PCGF2: variants seen among roughly 807,000 people sequenced by gnomAD.
PCGF2 encodes polycomb group RING finger protein 2.
Under a neutral mutation model 36.1 loss-of-function variants are expected in PCGF2, and 8 were observed. That is an observed-to-expected ratio of 0.22 (90% CI 0.13 to 0.40). The LOEUF (loss-of-function observed/expected upper bound fraction) is 0.40, where lower values mean the gene tolerates loss of function less well. Among genes scored for constraint, PCGF2 ranks in the 10% least tolerant of loss-of-function variants. The probability of loss-of-function intolerance (pLI) is 1.00; values close to 1 mark genes in which losing one functional copy is unlikely to be tolerated. For synonymous variants in PCGF2, 198 were observed against 191.2 expected (o/e 1.04, Z -0.29); for missense variants, 436 against 475.9 (o/e 0.92, Z 0.78).
At chr17:38,737,206 T>G (rs1195872161) in intron 9 of PCGF2, among the ~76,000 whole-genome samples, 2 of 152,168 alleles carry the variant, frequency 1.3e-5, no homozygotes, top group Non-Finnish European at 2.9e-5. Flanking sequence ...CTCACACCTG[T>G]AATCCCAGAG....
intron 2 of PCGF2, among the ~76,000 whole-genome samples, chr17:38,742,512 C>T (rs1228621573): frequency 6.6e-6 from 1 of 152,186 alleles, no homozygotes; most frequent in East Asian, 1.9e-4. Flanking sequence ...GACAGAGGGG[C>T]ACAAGCCAGT....
intron 3 of PCGF2, among the ~76,000 whole-genome samples, chr17:38,740,016 G>C (rs896835865): frequency 6.6e-6 from 1 of 152,226 alleles, no homozygotes; most frequent in Non-Finnish European, 1.5e-5. Context: ...GTGCAAACAA[G>C]GGGTGTCCGC....
chr17:38,744,696 C>A (rs1252023074), intron 2 of PCGF2, among the ~76,000 whole-genome samples: 1 of 152,156 alleles, frequency 6.6e-6, no homozygotes, highest in African/African-American at 2.4e-5. Flanking sequence ...GGAAGCCACC[C>A]TGCAATTTAG....
At chr17:38,741,724 C>G (rs551402239) in intron 2 of PCGF2, among the ~76,000 whole-genome samples, 1 of 152,328 alleles carries the variant, frequency 6.6e-6, no homozygotes, top group African/African-American at 2.4e-5. Flanking sequence ...AGGCAGGGAA[C>G]AGAGAGGGTC....
rs1249262504 is a variant in PCGF2 at position 38,748,294 on chromosome 17, C to A, written c.-232G>T. The stretch of plus-strand genomic sequence containing the variant: ...GCAGCCGTGTCGCTCGCCCGGGCGG[C>A]GGGAGGGGAGAAACCTACGGTAAGA... On this transcript the variant is annotated 5_prime_UTR_variant, in exon 1 of 11. Transcript: ENST00000620225. 8.0e-6 allele frequency: 1 copy of A among 125,588 alleles called. No individual in the cohort carries two copies. Among genetic ancestry groups the A allele is most frequent in the Non-Finnish European group, 1.6e-5 (1 of 60,746 alleles). The allele number at this position is 125,588 out of a possible 1,614,324, so 7.8% of individuals were successfully genotyped here. A position where few individuals can be genotyped will look rare whatever the true frequency, so the allele number is the denominator to read the frequency against.
Position 38,739,688 on chromosome 17 carries a change from G to A in PCGF2, c.113-6C>T. 1.9e-6 allele frequency: 3 copies of A among 1,611,622 alleles called. No individual in the cohort carries two copies. In the South Asian group the frequency reaches 3.3e-5, roughly 18 times the overall value. ...CACGATGCAGGTTTTGCAGACTTGG[G>A]GGTGTGGAGAGAGAGAGGAGAGTCA... On this transcript the variant is annotated splice_polypyrimidine_tract_variant and splice_region_variant and intron_variant, in intron 3 of 10. Coordinates refer to ENST00000620225, the MANE Select transcript of PCGF2 (RefSeq NM_007144.3). This position sits in a 1 kb window ranked among gnomAD's most constrained non-coding sequence, Gnocchi z 4.0.
chr17:38,748,495 G>C (rs1907711359), upstream of PCGF2: 1 of 152,234 alleles, frequency 6.6e-6, no homozygotes, highest in Non-Finnish European at 1.5e-5. Flanking sequence ...TGCTGGCAGA[G>C]ACGGGAAGAG....
At position 38,738,693 on chromosome 17, in the gene PCGF2, G is replaced by A; in HGVS notation, c.425+60C>T. On this transcript the variant is annotated intron_variant, in intron 7 of 10. Coordinates refer to ENST00000620225, the MANE Select transcript of PCGF2 (RefSeq NM_007144.3). The stretch of plus-strand genomic sequence containing the variant: ...TGGACACATCCAGAGAGGGTCCTGG[G>A]TGGGAGAAGGGGTTACCCAGACTAG... The A allele has an allele frequency of 4.5e-6, 7 of 1,569,912 alleles. No homozygotes were observed. The Admixed American group carries it at 1.0e-4, about 22-fold the overall frequency.
In PCGF2 at chr17:38,739,365, G is replaced by T; in HGVS notation, c.210-112C>A. Reference sequence around the variant, plus strand: ...TTCCCACCCCCTTCCTGAGACCGGTGCCCAGGCATTAGGATCCCTGTGGGT... The same window carrying T: ...TTCCCACCCCCTTCCTGAGACCGGTTCCCAGGCATTAGGATCCCTGTGGGT... On this transcript the variant is annotated intron_variant, in intron 4 of 10. Coordinates refer to ENST00000620225, the MANE Select transcript of PCGF2 (RefSeq NM_007144.3). This position sits in a 1 kb window ranked among gnomAD's most constrained non-coding sequence, Gnocchi z 4.0. The T allele has an allele frequency of 9.6e-7, 1 of 1,041,440 alleles. No homozygotes were observed. The highest frequency in any genetic ancestry group is 1.5e-6 in the Non-Finnish European group (1 of 674,180). The allele number at this position is 1,041,440 out of a possible 1,614,324, so 64.5% of individuals were successfully genotyped here. A position where few individuals can be genotyped will look rare whatever the true frequency, so the allele number is the denominator to read the frequency against.
intron 2 of PCGF2, chr17:38,746,322 C>G (rs1013299574): frequency 6.6e-6 from 1 of 152,496 alleles, no homozygotes; most frequent in African/African-American, 2.4e-5. Context: ...CTCCCCCACC[C>G]TGCGCCACAC....
intron 9 of PCGF2, among the ~76,000 whole-genome samples, 198 bp downstream of exon 9, chr17:38,738,155 C>T (rs1906907949): frequency 6.6e-6 from 1 of 152,190 alleles, no homozygotes; most frequent in South Asian, 2.1e-4. Context: ...TGGTCCCATG[C>T]ACCACTGCAC....
Position 38,734,406 on chromosome 17 carries a change from G to A in PCGF2, c.*817C>T, listed in dbSNP as rs868646078. On this transcript the variant is annotated 3_prime_UTR_variant, in exon 11 of 11. Transcript: ENST00000620225. Reference sequence around the variant, plus strand: ...AGTGAGGGTTCCCCGGTGAGGGTAAGGTTGGTGGGGGTGCAGCGCTTCACA... The same window carrying A: ...AGTGAGGGTTCCCCGGTGAGGGTAAAGTTGGTGGGGGTGCAGCGCTTCACA... The A allele has an allele frequency of 1.3e-5, 2 of 152,364 alleles. No homozygotes were observed. The highest frequency in any genetic ancestry group is 2.9e-5 in the Non-Finnish European group (2 of 68,046). 9.4% of individuals were successfully genotyped at this position (152,364 alleles called of 1,614,324 possible). A position where few individuals can be genotyped will look rare whatever the true frequency, so the allele number is the denominator to read the frequency against.
chr17:38,746,296 T>C (rs1458392354), intron 2 of PCGF2, among the ~76,000 whole-genome samples: 5 of 150,072 alleles, frequency 3.3e-5, no homozygotes, highest in Admixed American at 6.6e-5. Flanking sequence ...CAAGGCCAGA[T>C]AGACACGCCA....
Position 38,748,228 on chromosome 17 carries a change from G to C in PCGF2, c.-166C>G, listed in dbSNP as rs1380759421. On this transcript the variant is annotated 5_prime_UTR_variant, in exon 1 of 11. Coordinates refer to ENST00000620225, the MANE Select transcript of PCGF2 (RefSeq NM_007144.3). ...CGGGGTCCGGTGGGTCTCGGGGAGG[G>C]GGGGATGGGAGGGAGGGAGGGAAGG... 1.3e-5 allele frequency: 2 copies of C among 148,716 alleles called. No individual in the cohort carries two copies. The highest frequency in any genetic ancestry group is 4.0e-4 in the East Asian group (2 of 4,998). The allele number at this position is 148,716 out of a possible 1,614,324, so 9.2% of individuals were successfully genotyped here.
chr17:38,748,552 C>A (rs1907715721), upstream of PCGF2, among the ~76,000 whole-genome samples: 1 of 152,144 alleles, frequency 6.6e-6, no homozygotes, highest in East Asian at 1.9e-4. Flanking sequence ...CTGCCGGGTC[C>A]CTAGCCAGGA....
intron 9 of PCGF2, among the ~76,000 whole-genome samples, chr17:38,737,161 C>A (rs550245380): frequency 1.3e-3 from 203 of 150,458 alleles, no homozygotes; most frequent in African/African-American, 4.7e-3. Context: ...AAACAAAAAA[C>A]CAAAAACCCA....
rs148178156 is a variant in PCGF2, at chr17:38,739,174, G to C, written c.265+24C>G. On this transcript the variant is annotated intron_variant, in intron 5 of 10. Coordinates refer to ENST00000620225, the MANE Select transcript of PCGF2 (RefSeq NM_007144.3). The surrounding 1 kb of genome is among the most constrained non-coding windows in gnomAD (Gnocchi z 4.0). Reference sequence around the variant, plus strand: ...CCATGGGTTGGGAAATGGGGTCAGTGGAGGAGGAATGGAGTGCAGATACCT... The same window carrying C: ...CCATGGGTTGGGAAATGGGGTCAGTCGAGGAGGAATGGAGTGCAGATACCT... 1 of 1,613,912 alleles carries C rather than the reference G, an allele frequency of 6.2e-7. No homozygotes were observed. The highest frequency in any genetic ancestry group is 2.2e-5 in the East Asian group (1 of 44,876).
At chr17:38,744,707 G>A (rs998749550) in intron 2 of PCGF2, among the ~76,000 whole-genome samples, 1 of 152,070 alleles carries the variant, frequency 6.6e-6, no homozygotes, top group African/African-American at 2.4e-5. Flanking sequence ...TGCAATTTAG[G>A]CCTCTCTCAC....
intron 8 of PCGF2, 22 bp downstream of exon 8, chr17:38,738,519 C>T: frequency 6.2e-7 from 1 of 1,611,214 alleles, no homozygotes; most frequent in East Asian, 2.2e-5. Flanking sequence ...CATTCCAGTC[C>T]TGGGCAGGCC....
Sources: allele counts gnomAD v4.1 joint callset (sites outside exome capture counted in the v4.1 genomes callset), GRCh38; gene constraint gnomAD v4.1.1; non-coding constraint Gnocchi (gnomAD v3.1); transcripts MANE v1.5; gene names NCBI Gene and HGNC (gene_info 2026-07-23, HGNC 2026-07-21).